The following PRKN variants were observed in gnomAD, a reference collection of about 807,000 sequenced individuals.
PRKN encodes E3 ubiquitin-protein ligase parkin.
A neutral mutation model predicts 59.5 loss-of-function variants in PRKN; 56 were observed. The ratio of observed to expected loss-of-function variants is 0.94; its 90% CI spans 0.76 to 1.18. The LOEUF is 1.18. Ranked by LOEUF, PRKN falls within the 50% of genes most tolerant of loss-of-function variation. PRKN has a pLI of 0.00. For synonymous variants in PRKN, 250 were observed against 222.1 expected (o/e 1.13, Z -1.12); for missense variants, 657 against 596.4 (o/e 1.10, Z -1.06).
intron 7 of PRKN, among the ~76,000 whole-genome samples, chr6:161,752,190 T>C (rs549096231): frequency 1.3e-5 from 2 of 152,010 alleles, no homozygotes; most frequent in South Asian, 4.2e-4. Flanking sequence ...GCCAACGTGG[T>C]GAAACCCTGT....
intron 11 of PRKN, 83 bp from the exon 12 acceptor site, chr6:161,350,294 T>A: frequency 1.2e-6 from 1 of 861,420 alleles, no homozygotes; most frequent in African/African-American, 1.7e-5. Flanking sequence ...CACGCTAGCC[T>A]AGACATCACT....
chr6:161,781,446 C>A (rs546602246), intron 7 of PRKN, among the ~76,000 whole-genome samples: 1 of 152,246 alleles, frequency 6.6e-6, no homozygotes, highest in East Asian at 1.9e-4. Context: ...GCATAAGATT[C>A]TGAGGATGGC....
intron 2 of PRKN, among the ~76,000 whole-genome samples, chr6:162,390,396 T>TACACACACACAC (rs1554312764): frequency 8.3e-5 from 7 of 84,112 alleles, no homozygotes; most frequent in African/African-American, 3.2e-4. Flanking sequence ...TATATATATA[T>TACACACACACAC]ACACACACAC....
intron 3 of PRKN, among the ~76,000 whole-genome samples, chr6:162,224,076 T>C (rs1433372172): frequency 6.7e-6 from 1 of 149,750 alleles, no homozygotes; most frequent in Non-Finnish European, 1.5e-5. Flanking sequence ...TACTCCTCCA[T>C]ACCCCAAAAA....
At chr6:161,721,431 G>T (rs1787216194) in intron 7 of PRKN, among the ~76,000 whole-genome samples, 1 of 152,194 alleles carries the variant, frequency 6.6e-6, no homozygotes, top group African/African-American at 2.4e-5. Flanking sequence ...GCCTGCATCT[G>T]CTCAAGGGCC....
chr6:162,466,925 A>G (rs1791444450), intron 1 of PRKN, among the ~76,000 whole-genome samples: 1 of 152,184 alleles, frequency 6.6e-6, no homozygotes, highest in South Asian at 2.1e-4. Context: ...GTTTCAATAA[A>G]TAAGCAGCTG....
At chr6:162,035,178 T>C (rs2187200) in intron 5 of PRKN, among the ~76,000 whole-genome samples, 1 of 145,520 alleles carries the variant, frequency 6.9e-6, no homozygotes, top group African/African-American at 2.6e-5. Flanking sequence ...TATATATATA[T>C]AGAGAGAGGC....
intron 3 of PRKN, among the ~76,000 whole-genome samples, chr6:162,261,100 G>A (rs915933307): frequency 6.6e-6 from 1 of 152,084 alleles, no homozygotes; most frequent in African/African-American, 2.4e-5. Flanking sequence ...AAGAAAGGGA[G>A]AGGAGAAGAC....
intron 5 of PRKN, among the ~76,000 whole-genome samples, chr6:162,000,424 T>C (rs944861348): frequency 1.3e-5 from 2 of 152,130 alleles, no homozygotes; most frequent in Non-Finnish European, 2.9e-5. Flanking sequence ...AGCATCTTCT[T>C]ATATGCTTAC....
At chr6:162,058,930 C>T (rs940791696) in intron 4 of PRKN, among the ~76,000 whole-genome samples, 173 of 137,046 alleles carry the variant, frequency 1.3e-3, no homozygotes, top group African/African-American at 3.6e-3. Flanking sequence ...CCAGCCTGGG[C>T]GACAGAGTGA....
chr6:162,455,168 C>T (rs563265037), intron 1 of PRKN, among the ~76,000 whole-genome samples: 3 of 152,192 alleles, frequency 2.0e-5, no homozygotes, highest in South Asian at 2.1e-4. Context: ...CTGAAGATGA[C>T]GGTATCTTAT....
chr6:161,793,645 T>C (rs1474977186), intron 6 of PRKN, among the ~76,000 whole-genome samples: 1 of 151,894 alleles, frequency 6.6e-6, no homozygotes, highest in Non-Finnish European at 1.5e-5. Flanking sequence ...CATAGTGTGG[T>C]AAGCACTACC....
chr6:162,402,660 CTTT>C (rs35383927), intron 2 of PRKN, among the ~76,000 whole-genome samples: 5 of 144,544 alleles, frequency 3.5e-5, no homozygotes, highest in Admixed American at 6.9e-5. Context: ...CTTTTATTTC[CTTT>C]TTTTTTTTTT....
intron 9 of PRKN, among the ~76,000 whole-genome samples, chr6:161,452,795 T>C (rs1393813676): frequency 1.3e-5 from 2 of 152,014 alleles, no homozygotes; most frequent in African/African-American, 2.4e-5. Context: ...ATAGTTGCCA[T>C]AGTGATGATT....
intron 6 of PRKN, among the ~76,000 whole-genome samples, chr6:161,866,428 A>C (rs1386215557): frequency 6.6e-6 from 1 of 152,108 alleles, no homozygotes; most frequent in Non-Finnish European, 1.5e-5. Flanking sequence ...ACAAAAAATT[A>C]GCCGGGCGTG....
At chr6:161,416,265 A>T (rs1329856038) in intron 9 of PRKN, among the ~76,000 whole-genome samples, 1 of 152,046 alleles carries the variant, frequency 6.6e-6, no homozygotes, top group African/African-American at 2.4e-5. Context: ...CCCTTTACTG[A>T]AAAGTGCGGC....
At chr6:161,646,540 C>T (rs181320345) in intron 7 of PRKN, among the ~76,000 whole-genome samples, 36 of 145,960 alleles carry the variant, frequency 2.5e-4, no homozygotes, top group Admixed American at 1.3e-3. Context: ...CGTGTGCGTG[C>T]GTGGCGGAGG....
chr6:161,772,721 T>G (rs1789747556), intron 7 of PRKN, among the ~76,000 whole-genome samples: 1 of 152,140 alleles, frequency 6.6e-6, no homozygotes, highest in South Asian at 2.1e-4. Flanking sequence ...AGCTTAAAAT[T>G]TATCTGATGA....
chr6:161,685,979 T>C (rs984444639), intron 7 of PRKN, among the ~76,000 whole-genome samples: 1 of 151,936 alleles, frequency 6.6e-6, no homozygotes, highest in South Asian at 2.1e-4. Context: ...GTTTTGCTTC[T>C]AGTGACTTAT....
Sources: allele counts gnomAD v4.1 joint callset (sites outside exome capture counted in the v4.1 genomes callset), GRCh38; gene constraint gnomAD v4.1.1; transcripts MANE v1.5; gene names NCBI Gene and HGNC (gene_info 2026-07-23, HGNC 2026-07-21).